CORO2B: variants seen among roughly 807,000 people sequenced by gnomAD.
CORO2B encodes the protein coronin 2B.
In CORO2B, 26 loss-of-function variants were observed where a neutral mutation model predicts 58.8. That is an observed-to-expected ratio of 0.44 (90% CI 0.32 to 0.61). The LOEUF is 0.61. CORO2B is among the 20% of genes least tolerant of loss of function. The pLI is 0.04. For missense variants in CORO2B, 460 were observed against 645.1 expected (o/e 0.71, Z 3.11); for synonymous variants, 242 against 253.8 (o/e 0.95, Z 0.44).
chr15:68,616,004 C>T (rs562085507), intron 1 of CORO2B, among the ~76,000 whole-genome samples: 1 of 152,266 alleles, frequency 6.6e-6, no homozygotes, highest in South Asian at 2.1e-4. Flanking sequence ...GTGCGCCAGA[C>T]CTGCTGGGTG....
At chr15:68,574,410 C>A (rs994987361), upstream of CORO2B, among the ~76,000 whole-genome samples, 1 of 152,152 alleles carries the variant, frequency 6.6e-6, no homozygotes, top group South Asian at 2.1e-4. Flanking sequence ...ACCCACTCAC[C>A]CATGGTCTGG....
chr15:68,672,383 G>C (rs796556370), intron 2 of CORO2B, among the ~76,000 whole-genome samples: 1 of 152,064 alleles, frequency 6.6e-6, no homozygotes, highest in Non-Finnish European at 1.5e-5. Flanking sequence ...TTACAGGCAT[G>C]AGCCAAGTAC....
the CORO2B span, among the ~76,000 whole-genome samples, chr15:68,560,365 G>A: frequency 4.0e-5 from 6 of 150,874 alleles, no homozygotes; most frequent in Non-Finnish European, 8.8e-5. Context: ...TGCAATCATG[G>A]CTCACTGCAG....
At chr15:68,701,684 T>C (rs113818275) in intron 3 of CORO2B, among the ~76,000 whole-genome samples, 4,775 of 151,666 alleles carry the variant, frequency 0.031, 228 homozygotes, top group African/African-American at 0.11. Context: ...CGGGGTTTCA[T>C]CGTGTTAGCC....
chr15:68,531,559 A>AAGGACGGAAGGAAG, the CORO2B span, among the ~76,000 whole-genome samples: 2 of 134,090 alleles, frequency 1.5e-5, no homozygotes, highest in African/African-American at 5.7e-5. Context: ...AAGGAAGGAA[A>AAGGACGGAAGGAAG]GAAAGAGAAA....
chr15:68,688,954 T>C (rs1204217186), intron 2 of CORO2B, among the ~76,000 whole-genome samples: 1 of 150,744 alleles, frequency 6.6e-6, no homozygotes, highest in Admixed American at 6.6e-5. Context: ...GGGGATCAGG[T>C]TGTATCTCAA....
chr15:68,561,275 CT>C, the CORO2B span, among the ~76,000 whole-genome samples: 1 of 152,160 alleles, frequency 6.6e-6, no homozygotes, highest in Non-Finnish European at 1.5e-5. Context: ...GGCGGCCCCC[CT>C]CCCAGCTCCT....
the CORO2B span, among the ~76,000 whole-genome samples, chr15:68,549,953 A>AAAATAAATAAATAAAT: frequency 0.26 from 38,158 of 144,208 alleles, 5,394 homozygotes; most frequent in African/African-American, 0.33. Context: ...AAAATAAAAT[A>AAAATAAATAAATAAAT]AAATAAATAA....
At chr15:68,585,613 G>T (rs1019441926) in intron 1 of CORO2B, among the ~76,000 whole-genome samples, 1 of 152,136 alleles carries the variant, frequency 6.6e-6, no homozygotes, top group African/African-American at 2.4e-5. Flanking sequence ...TGGTCCTGGG[G>T]CATGATCGTA....
chr15:68,539,012 T>C, the CORO2B span, among the ~76,000 whole-genome samples: 1 of 152,342 alleles, frequency 6.6e-6, no homozygotes, highest in East Asian at 1.9e-4. Flanking sequence ...TACATCTCAG[T>C]TTTTGTGTCA....
At chr15:68,657,798 A>T (rs1003906339) in intron 2 of CORO2B, among the ~76,000 whole-genome samples, 1 of 152,242 alleles carries the variant, frequency 6.6e-6, no homozygotes, top group Non-Finnish European at 1.5e-5. Flanking sequence ...GTGAGGTTTC[A>T]GTTAGAGGCT....
intron 1 of CORO2B, among the ~76,000 whole-genome samples, chr15:68,644,099 G>A (rs1355834023): frequency 6.6e-6 from 1 of 152,164 alleles, no homozygotes; most frequent in Admixed American, 6.6e-5. Flanking sequence ...AGTTACAACA[G>A]GCTAGGATAT....
At chr15:68,562,820 AC>A in the CORO2B span, among the ~76,000 whole-genome samples, 1 of 151,874 alleles carries the variant, frequency 6.6e-6, no homozygotes, top group Admixed American at 6.6e-5. Context: ...ACTAAAAAAT[AC>A]AAAAAATTAG....
At chr15:68,635,015 G>A (rs1900984083) in intron 1 of CORO2B, among the ~76,000 whole-genome samples, 1 of 152,168 alleles carries the variant, frequency 6.6e-6, no homozygotes, top group Non-Finnish European at 1.5e-5. Flanking sequence ...TGATTCTGCA[G>A]GCTGGAAGTG....
intron 2 of CORO2B, among the ~76,000 whole-genome samples, chr15:68,654,349 C>A (rs1901736090): frequency 2.0e-5 from 3 of 152,232 alleles, no homozygotes; most frequent in South Asian, 4.1e-4. Context: ...CTCCCTTGGG[C>A]CTGGGTCTAC....
chr15:68,550,599 G>A, the CORO2B span, among the ~76,000 whole-genome samples: 1 of 152,132 alleles, frequency 6.6e-6, no homozygotes, highest in Admixed American at 6.5e-5. Flanking sequence ...TACTTTTTAG[G>A]GACCGTTATT....
At chr15:68,615,280 T>G (rs1251972704) in intron 1 of CORO2B, among the ~76,000 whole-genome samples, 1 of 152,158 alleles carries the variant, frequency 6.6e-6, no homozygotes, top group Non-Finnish European at 1.5e-5. Context: ...AGGACTAATG[T>G]CATCCTTTCT....
chr15:68,629,775 G>A (rs935416133), intron 1 of CORO2B, among the ~76,000 whole-genome samples: 2 of 145,566 alleles, frequency 1.4e-5, no homozygotes, highest in South Asian at 4.6e-4. Flanking sequence ...CTCATGACTG[G>A]GACCCAACTC....
At chr15:68,587,071 C>T (rs1393008397) in intron 1 of CORO2B, among the ~76,000 whole-genome samples, 2 of 151,166 alleles carry the variant, frequency 1.3e-5, no homozygotes, top group African/African-American at 2.4e-5. Flanking sequence ...CACACACACA[C>T]ACACACACAC....
Sources: allele counts gnomAD v4.1 joint callset (sites outside exome capture counted in the v4.1 genomes callset), GRCh38; gene constraint gnomAD v4.1.1; transcripts MANE v1.5; gene names NCBI Gene and HGNC (gene_info 2026-07-23, HGNC 2026-07-21).